EYS: variants seen among roughly 807,000 people sequenced by gnomAD.
The protein encoded by EYS is protein eyes shut homolog.
A neutral mutation model predicts 282.1 loss-of-function variants in EYS; 250 were observed. That is an observed-to-expected ratio of 0.89 (90% CI 0.80 to 0.98). The LOEUF is 0.98. Among genes scored for constraint, EYS ranks in the 50% least tolerant of loss-of-function variants. EYS has a pLI of 0.00. For synonymous variants in EYS, 1,355 were observed against 1,282.9 expected, an observed-to-expected ratio of 1.06 and a Z score of -1.20; for missense variants, 4,016 against 3,709.0, an observed-to-expected ratio of 1.08 and a Z score of -2.15.
At chr6:65,174,351 G>A (rs1488872464) in intron 12 of EYS, among the ~76,000 whole-genome samples, 2 of 151,264 alleles carry the variant, frequency 1.3e-5, no homozygotes, top group East Asian at 3.9e-4. Context: ...AGATACATCA[G>A]TTGATAGCAC....
At chr6:64,192,075 G>C (rs551845313) in intron 31 of EYS, among the ~76,000 whole-genome samples, 3 of 140,068 alleles carry the variant, frequency 2.1e-5, no homozygotes, top group Admixed American at 7.2e-5. Context: ...TTCTCTGATG[G>C]CCAGTGATGG....
At chr6:64,879,895 A>G (rs9345564) in intron 19 of EYS, among the ~76,000 whole-genome samples, 14,035 of 152,062 alleles carry the variant, frequency 0.092, 847 homozygotes, top group East Asian at 0.32. Context: ...TAATTGTGCC[A>G]TTTAGAAATA....
chr6:65,189,765 G>C (rs1289178892), intron 12 of EYS, among the ~76,000 whole-genome samples: 4 of 151,696 alleles, frequency 2.6e-5, no homozygotes, highest in Non-Finnish European at 5.9e-5. Context: ...GTGTCGAGTA[G>C]CCTCATCATT....
At chr6:63,828,405 A>T (rs564793416) in intron 36 of EYS, among the ~76,000 whole-genome samples, 116 of 145,788 alleles carry the variant, frequency 8.0e-4, no homozygotes, top group African/African-American at 3.0e-3. Context: ...AATACAAAAG[A>T]TCATTCAAGG....
rs182499978 is a variant in EYS at position 64,286,137 on chromosome 6, A to G, written c.6191+20833T>C. Among the ~76,000 whole-genome samples the G allele has an allele frequency of 1.6e-4, 25 of 152,328 alleles. No homozygotes were observed. In the East Asian group the frequency reaches 4.6e-3, roughly 28 times the overall value. ...TCTCAAATTCAGATTCATAGCTCAT[A>G]TACCCAGGAAACCCCGACAGCATTT... On this transcript the variant is annotated intron_variant, in intron 30 of 42. Transcript: ENST00000503581.
chr6:64,263,195 C>A (rs1767645625), intron 30 of EYS, among the ~76,000 whole-genome samples: 2 of 151,680 alleles, frequency 1.3e-5, no homozygotes. Flanking sequence ...CTGTTATAAT[C>A]TCCTCACTGT....
intron 42 of EYS, among the ~76,000 whole-genome samples, chr6:63,725,533 C>G (rs575895977): frequency 6.6e-6 from 1 of 152,114 alleles, no homozygotes; most frequent in South Asian, 2.1e-4. Context: ...ATGTGGTTCT[C>G]CTATTTGACA....
intron 31 of EYS, among the ~76,000 whole-genome samples, chr6:64,210,582 G>T (rs1765733624): frequency 6.6e-6 from 1 of 152,158 alleles, no homozygotes; most frequent in Non-Finnish European, 1.5e-5. Context: ...TACTGGGATT[G>T]AGTATTTCTA....
intron 33 of EYS, among the ~76,000 whole-genome samples, chr6:64,041,110 T>C (rs1188923930): frequency 6.6e-6 from 1 of 152,132 alleles, no homozygotes; most frequent in Non-Finnish European, 1.5e-5. Flanking sequence ...TTCTGTCCCC[T>C]TGGGGTGGAG....
At position 64,364,992 on chromosome 6, in the gene EYS, G is replaced by A. The variant is rs147575456; in HGVS notation, c.6078+23698C>T. The stretch of plus-strand genomic sequence containing the variant: ...TAAGTTTTTGTTTTTTTTACTCTTC[G>A]AGTATCATTCAATTTACTTGTGTTC... On this transcript the variant is annotated intron_variant, in intron 29 of 42. Coordinates refer to ENST00000503581, the MANE Select transcript of EYS (RefSeq NM_001142800.2). Among the ~76,000 whole-genome samples, 483 of 151,226 alleles carry A rather than the reference G, an allele frequency of 3.2e-3. 3 individuals are homozygous for A. Among genetic ancestry groups the A allele is most frequent in the Non-Finnish European group, 3.7e-3 (249 of 67,782 alleles).
In EYS at chr6:64,096,746, T is replaced by C. The variant is rs1253480462; in HGVS notation, c.6425-14744A>G. Among the ~76,000 whole-genome samples the C allele has an allele frequency of 2.6e-5, 4 of 152,336 alleles. No individual in the cohort carries two copies. The South Asian group carries it at 8.3e-4, about 32-fold the overall frequency. The stretch of plus-strand genomic sequence containing the variant: ...TTTGATCGTCTGAAGCCTTCTTCTC[T>C]CAATTCGTCAAAGTCATTCTCCATC... On this transcript the variant is annotated intron_variant, in intron 31 of 42. Coordinates refer to ENST00000503581, the MANE Select transcript of EYS (RefSeq NM_001142800.2).
rs200240258 is a variant in EYS at position 65,434,426 on chromosome 6, T to C, written c.863-29059A>G. On this transcript the variant is annotated intron_variant, in intron 5 of 42. Coordinates refer to ENST00000503581, the MANE Select transcript of EYS (RefSeq NM_001142800.2). ...AGCTCTGCCTCCCACGTTCACGCCA[T>C]TCTCCTGCCTCAGCCTCCCGAGTAG... Among the ~76,000 whole-genome samples the C allele has an allele frequency of 2.3e-4, 35 of 151,796 alleles. No homozygotes were observed. In the East Asian group the frequency reaches 5.3e-3, roughly 23 times the overall value.
chr6:64,431,759 C>T (rs933434353), intron 28 of EYS, among the ~76,000 whole-genome samples: 2 of 152,084 alleles, frequency 1.3e-5, no homozygotes, highest in Admixed American at 6.6e-5. Flanking sequence ...TTCCTTCCTA[C>T]CTAAATAATC....
chr6:65,078,065 A>G lies in EYS; in HGVS notation c.2024-20338T>C, dbSNP rs1028519294. ...ATTGGGAAAGTAGCATTATTGAACC[A>G]TAATTGATTTCCTCTTTTCTATTTT... On this transcript the variant is annotated intron_variant, in intron 12 of 42. Coordinates refer to ENST00000503581, the MANE Select transcript of EYS (RefSeq NM_001142800.2). Among the ~76,000 whole-genome samples the G allele has an allele frequency of 1.5e-4, 23 of 152,050 alleles. 1 individual carries two copies. The highest frequency in any genetic ancestry group is 3.2e-3 in the Middle Eastern group (1 of 316).
At chr6:63,840,028 T>G (rs1348597589) in intron 36 of EYS, among the ~76,000 whole-genome samples, 1 of 151,200 alleles carries the variant, frequency 6.6e-6, no homozygotes, top group African/African-American at 2.4e-5. Context: ...GAGATGTCTA[T>G]TCAGCTCATT....
intron 2 of EYS, among the ~76,000 whole-genome samples, chr6:65,606,524 T>C (rs12199761): frequency 0.032 from 4,805 of 151,926 alleles, 109 homozygotes; most frequent in Middle Eastern, 0.13. Flanking sequence ...AAATCTCCTT[T>C]GAATGTCGCA....
At chr6:65,429,833 A>AGACC (rs1369146372) in intron 5 of EYS, among the ~76,000 whole-genome samples, 1 of 25,488 alleles carries the variant, frequency 3.9e-5, no homozygotes, top group Non-Finnish European at 6.8e-5. Context: ...AACACTTGAT[A>AGACC]GAGAAGAGAT....
chr6:64,067,907 A>C (rs1771434942), intron 32 of EYS, among the ~76,000 whole-genome samples: 1 of 151,588 alleles, frequency 6.6e-6, no homozygotes, highest in Admixed American at 6.6e-5. Flanking sequence ...TAGTGTAGAT[A>C]GACATTTTCC....
At chr6:63,865,765 C>CA (rs1263399235) in intron 35 of EYS, among the ~76,000 whole-genome samples, 2 of 152,048 alleles carry the variant, frequency 1.3e-5, no homozygotes, top group Admixed American at 6.5e-5. Flanking sequence ...CCATTTTTTT[C>CA]ATCATAATGA....
Sources: allele counts gnomAD v4.1 joint callset (sites outside exome capture counted in the v4.1 genomes callset), GRCh38; gene constraint gnomAD v4.1.1; transcripts MANE v1.5; gene names NCBI Gene and HGNC (gene_info 2026-07-23, HGNC 2026-07-21).